Variants in ARID5B observed in about 807,000 individuals in gnomAD.
The protein encoded by ARID5B is AT-rich interaction domain 5B.
In ARID5B, 13 loss-of-function variants were observed where a neutral mutation model predicts 97.2. That is an observed-to-expected ratio of 0.13 (90% CI 0.09 to 0.21). ARID5B has a LOEUF of 0.21. Among genes scored for constraint, ARID5B ranks in the 10% least tolerant of loss-of-function variants. ARID5B has a pLI of 1.00. For missense variants in ARID5B, 1,210 were observed against 1,465.3 expected, an observed-to-expected ratio of 0.83 and a Z score of 2.84; for synonymous variants, 556 against 570.3, an observed-to-expected ratio of 0.97 and a Z score of 0.36.
intron 5 of ARID5B, among the ~76,000 whole-genome samples, chr10:62,052,892 C>G (rs1839809530): frequency 6.6e-6 from 1 of 152,326 alleles, no homozygotes; most frequent in South Asian, 2.1e-4. Flanking sequence ...CTCCTAGGGA[C>G]TGGTCTAATG....
intron 2 of ARID5B, among the ~76,000 whole-genome samples, chr10:61,912,334 C>G (rs1305650512): frequency 6.6e-6 from 1 of 152,098 alleles, no homozygotes; most frequent in Non-Finnish European, 1.5e-5. Context: ...TGTTCATCTT[C>G]TATCTGGAGA....
intron 5 of ARID5B, among the ~76,000 whole-genome samples, chr10:62,053,455 G>A (rs1839817252): frequency 6.6e-6 from 1 of 152,312 alleles, no homozygotes; most frequent in Non-Finnish European, 1.5e-5. Context: ...CCAACGGAGA[G>A]AGAATTACAT....
chr10:61,902,130 T>C, intron 1 of ARID5B, 29 bp from the exon 2 acceptor site: 1 of 1,610,088 alleles, frequency 6.2e-7, no homozygotes, highest in Middle Eastern at 2.2e-4. Flanking sequence ...GCTACATTAT[T>C]TATTTGGTGT....
chr10:61,906,401 A>G (rs1843708842), intron 2 of ARID5B, among the ~76,000 whole-genome samples: 2 of 152,194 alleles, frequency 1.3e-5, no homozygotes, highest in South Asian at 2.1e-4. Context: ...GTAGGCGGGT[A>G]ATTGGTTCTG....
chr10:61,954,068 A>G (rs2132814161), intron 3 of ARID5B, among the ~76,000 whole-genome samples: 1 of 152,318 alleles, frequency 6.6e-6, no homozygotes, highest in Non-Finnish European at 1.5e-5. Context: ...TTTAAAAAAT[A>G]TAAATTTCAG....
chr10:61,955,617 A>G (rs1467648510), intron 3 of ARID5B, among the ~76,000 whole-genome samples: 3 of 152,194 alleles, frequency 2.0e-5, no homozygotes, highest in Non-Finnish European at 4.4e-5. Context: ...TATACTTACT[A>G]TCTCTTCAAT....
chr10:62,071,953 G>C (rs974088437), intron 8 of ARID5B, among the ~76,000 whole-genome samples: 1 of 152,108 alleles, frequency 6.6e-6, no homozygotes, highest in Non-Finnish European at 1.5e-5. Context: ...AACCACACTG[G>C]GTATTCAACA....
chr10:61,919,740 T>G (rs1843977808), intron 2 of ARID5B, among the ~76,000 whole-genome samples: 1 of 152,238 alleles, frequency 6.6e-6, no homozygotes, highest in African/African-American at 2.4e-5. Flanking sequence ...TAGTATTTTG[T>G]GCTCCTGGGG....
intron 8 of ARID5B, among the ~76,000 whole-genome samples, chr10:62,077,200 C>T (rs771249549): frequency 4.6e-5 from 7 of 152,202 alleles, no homozygotes; most frequent in Non-Finnish European, 7.3e-5. Context: ...TAATTTCATA[C>T]ACAAGAGCCG....
At position 62,094,268 on chromosome 10, in the gene ARID5B, G is replaced by A. The variant is rs2132991111; in HGVS notation, c.*1238G>A. 4.3e-6 allele frequency: 1 copy of A among 231,846 alleles called. No homozygotes were observed. The highest frequency in any genetic ancestry group is 6.1e-5 in the East Asian group (1 of 16,362). The allele number at this position is 231,846 out of a possible 1,614,324, so 14.4% of individuals were successfully genotyped here. A position where few individuals can be genotyped will look rare whatever the true frequency, so the allele number is the denominator to read the frequency against. ...GAGGATGGAGCTCAACTGGCCAGAA[G>A]AGGAGCAGCTGCAGTCCTGATAGCT... On this transcript the variant is annotated 3_prime_UTR_variant, in exon 10 of 10. Transcript: ENST00000279873.
At chr10:61,955,291 C>T (rs908379314) in intron 3 of ARID5B, among the ~76,000 whole-genome samples, 3 of 152,184 alleles carry the variant, frequency 2.0e-5, no homozygotes, top group Admixed American at 1.3e-4. Flanking sequence ...AGGGAAAAAA[C>T]AGGCACAAGT....
chr10:62,006,356 C>A (rs918608888), intron 4 of ARID5B, among the ~76,000 whole-genome samples: 3 of 152,142 alleles, frequency 2.0e-5, no homozygotes, highest in African/African-American at 7.2e-5. Context: ...GCAGGAGAAT[C>A]TCTTGAACCC....
chr10:62,012,956 T>C (rs1839236193), intron 4 of ARID5B, among the ~76,000 whole-genome samples: 1 of 152,214 alleles, frequency 6.6e-6, no homozygotes, highest in African/African-American at 2.4e-5. Flanking sequence ...TAATTAATAC[T>C]ATAACAAACA....
intron 2 of ARID5B, among the ~76,000 whole-genome samples, chr10:61,919,291 GT>G (rs896755156): frequency 1.8e-4 from 27 of 152,042 alleles, no homozygotes; most frequent in Middle Eastern, 3.2e-3. Context: ...TTTCAAAAAA[GT>G]TTCCTGTATT....
At position 62,092,346 on chromosome 10, in the gene ARID5B, C is replaced by T. The variant is rs1263644531; in HGVS notation, c.2883C>T (p.Thr961=). 1.2e-6 allele frequency: 2 copies of T among 1,613,966 alleles called. No homozygotes were observed. Among genetic ancestry groups the T allele is most frequent in the Non-Finnish European group, 1.7e-6 (2 of 1,179,916 alleles). ...AAGCCTGTCGGGTATCACCCATGAC[C>T]ATGTCAGGCCCTAAAAAATACCCTG... The part of the protein sequence containing the change: ...HPKACRVSPM[T]MSGPKKYPES... Residue 961 remains threonine (T), a synonymous_variant, in exon 10 of 10, where the codon ACC becomes ACT. Transcript: ENST00000279873.
chr10:62,014,373 G>A (rs1314912829), intron 4 of ARID5B, among the ~76,000 whole-genome samples: 5 of 152,154 alleles, frequency 3.3e-5, no homozygotes, highest in Non-Finnish European at 7.4e-5. Context: ...GCTTCTGTTC[G>A]GGTGTGATGG....
At chr10:61,932,531 C>G (rs966553949) in intron 2 of ARID5B, among the ~76,000 whole-genome samples, 3 of 151,762 alleles carry the variant, frequency 2.0e-5, no homozygotes, top group Non-Finnish European at 4.4e-5. Flanking sequence ...CCACCTCAGC[C>G]CCTGAGTAGC....
chr10:61,921,840 TTATC>T (rs1284213422), intron 2 of ARID5B, among the ~76,000 whole-genome samples: 2 of 152,112 alleles, frequency 1.3e-5, no homozygotes, highest in African/African-American at 2.4e-5. Flanking sequence ...TATTAGTTGT[TTATC>T]TATTTATTTA....
chr10:62,056,530 C>T (rs1839858658), intron 5 of ARID5B, among the ~76,000 whole-genome samples: 1 of 152,228 alleles, frequency 6.6e-6, no homozygotes, highest in South Asian at 2.1e-4. Context: ...TGGTTTACTA[C>T]AAAGAAATAG....
Sources: allele counts gnomAD v4.1 joint callset (sites outside exome capture counted in the v4.1 genomes callset), GRCh38; gene constraint gnomAD v4.1.1; transcripts MANE v1.5; gene names NCBI Gene and HGNC (gene_info 2026-07-23, HGNC 2026-07-21).